The following RPAIN variants were observed in gnomAD, a reference collection of about 807,000 sequenced individuals.
RPAIN encodes RPA interacting protein.
RPAIN carries 29 observed loss-of-function variants against 30.5 expected under a neutral mutation model. That is an observed-to-expected ratio of 0.95 (90% CI 0.71 to 1.30). The LOEUF is 1.30. RPAIN is among the 50% of genes most tolerant of loss of function. RPAIN has a pLI of 0.00. For synonymous variants in RPAIN, 101 were observed against 93.5 expected (o/e 1.08, Z -0.46); for missense variants, 247 against 264.7 (o/e 0.93, Z 0.46).
intron 6 of RPAIN, chr17:5,429,298 TGTG>T: frequency 1.0e-6 from 1 of 985,464 alleles, no homozygotes; most frequent in Non-Finnish European, 1.2e-6. Flanking sequence ...TCTGGTGAGT[TGTG>T]GGGGTAGAGC....
chr17:5,432,794 ATT>A lies in RPAIN; in HGVS notation c.*226_*227del. 1.2e-6 allele frequency: 1 copy of A among 800,246 alleles called. No homozygotes were observed. The highest frequency in any genetic ancestry group is 1.7e-5 in the African/African-American group (1 of 57,618). 49.6% of individuals were successfully genotyped at this position (800,246 alleles called of 1,614,324 possible). A position where few individuals can be genotyped will look rare whatever the true frequency, so the allele number is the denominator to read the frequency against. On this transcript the variant is annotated 3_prime_UTR_variant, in exon 7 of 7. Transcript: ENST00000381209. ...AAACTGCCTTGGAGGAGATAAACCA[ATT>A]TTATGTCTATCATGTTATACAAAAA... is the stretch of plus-strand genomic sequence containing the variant.
At chr17:5,424,140 A>T (rs1239230203) in intron 3 of RPAIN, among the ~76,000 whole-genome samples, 1 of 151,400 alleles carries the variant, frequency 6.6e-6, no homozygotes, top group African/African-American at 2.4e-5. Flanking sequence ...AGTGTGCACC[A>T]CCATACCGAG....
intron 6 of RPAIN, chr17:5,431,507 G>GC: frequency 2.8e-6 from 1 of 355,748 alleles, no homozygotes; most frequent in East Asian, 1.0e-4. Context: ...AAAAGAGGAG[G>GC]GGGAAAGACA....
intron 1 of RPAIN, 90 bp downstream of exon 1, chr17:5,420,381 C>T (rs544187833): frequency 1.1e-5 from 12 of 1,133,124 alleles, no homozygotes; most frequent in Non-Finnish European, 1.5e-5. Context: ...CTCCGTGGAG[C>T]AGGTGCCGCA....
chr17:5,432,237 A>G (rs1916043901), intron 6 of RPAIN: 1 of 338,668 alleles, frequency 3.0e-6, no homozygotes, highest in Non-Finnish European at 5.4e-6. Context: ...TTTGAATACA[A>G]TCTTTCTGGT....
chr17:5,431,882 CCTA>C (rs1281349216), intron 6 of RPAIN: 3 of 324,040 alleles, frequency 9.3e-6, no homozygotes, highest in Non-Finnish European at 1.8e-5. Context: ...CCCACTTATG[CCTA>C]CTGTTTAATT....
chr17:5,431,464 G>T (rs1484823026), intron 6 of RPAIN: 1 of 430,886 alleles, frequency 2.3e-6, no homozygotes, highest in South Asian at 1.6e-5. Context: ...TCCAGGCTGG[G>T]TGACAGCGAG....
chr17:5,429,301 G>T (rs1196621228), intron 6 of RPAIN: 11 of 985,334 alleles, frequency 1.1e-5, no homozygotes, highest in Non-Finnish European at 1.2e-5. Context: ...GGTGAGTTGT[G>T]GGGGTAGAGC....
intron 6 of RPAIN, chr17:5,428,483 T>C (rs1915617409): frequency 7.1e-7 from 1 of 1,415,894 alleles, no homozygotes; most frequent in African/African-American, 1.4e-5. Flanking sequence ...TGATCAGTAG[T>C]AGTGGTTTTG....
intron 3 of RPAIN, chr17:5,425,573 TG>T (rs1915307374): frequency 5.7e-6 from 2 of 349,936 alleles, no homozygotes; most frequent in Admixed American, 8.1e-5. Flanking sequence ...TGACCTCGAG[TG>T]ATCTGCCTGC....
intron 5 of RPAIN, 77 bp from the exon 6 acceptor site, chr17:5,427,994 T>C (rs1470704740): frequency 7.0e-7 from 1 of 1,425,120 alleles, no homozygotes. Context: ...GTTATATTGG[T>C]TGGCATGAGG....
At position 5,432,578 on chromosome 17, in the gene RPAIN, C is replaced by T. The variant is rs1488395517; in HGVS notation, c.*7C>T. ...TTGGGCTGTGATCCTCTAGAGCCAG[C>T]TTGGACTCACATCATTCTATGGGGT... On this transcript the variant is annotated 3_prime_UTR_variant, in exon 7 of 7. Transcript: ENST00000381209. 1 of 1,613,382 alleles carries T rather than the reference C, an allele frequency of 6.2e-7. No homozygotes were observed. Among genetic ancestry groups the T allele is most frequent in the East Asian group, 2.2e-5 (1 of 44,900 alleles).
At chr17:5,421,557 AC>A in intron 2 of RPAIN, 91 bp downstream of exon 2, 2 of 1,185,840 alleles carry the variant, frequency 1.7e-6, no homozygotes, top group Non-Finnish European at 2.4e-6. Context: ...AGTCCTCTAA[AC>A]CCACCATTCC....
chr17:5,428,350 A>C lies in RPAIN; in HGVS notation c.630+139A>C. The C allele has an allele frequency of 3.3e-6, 5 of 1,533,838 alleles. No individual in the cohort carries two copies. In the South Asian group the frequency reaches 6.1e-5, roughly 19 times the overall value. ...TCTGAGGAATTTACCTGCATAGAAA[A>C]GTGAAGGTAACAAGTCATTTAGACT... On this transcript the variant is annotated intron_variant, in intron 6 of 6. Coordinates refer to ENST00000381209, the MANE Select transcript of RPAIN (RefSeq NM_001033002.4).
intron 1 of RPAIN, among the ~76,000 whole-genome samples, chr17:5,420,816 T>C (rs4605225): frequency 0.3 from 45,368 of 151,960 alleles, 8,000 homozygotes; most frequent in East Asian, 0.82. Context: ...TTGTGGAGGG[T>C]TGTTTAAGCC....
Position 5,432,800 on chromosome 17 carries a change from T to C in RPAIN, c.*229T>C. The C allele has an allele frequency of 1.3e-6, 1 of 799,642 alleles. No homozygotes were observed. Among genetic ancestry groups the C allele is most frequent in the East Asian group, 2.8e-5 (1 of 36,322 alleles). The allele number at this position is 799,642 out of a possible 1,614,324, so 49.5% of individuals were successfully genotyped here. A position where few individuals can be genotyped will look rare whatever the true frequency, so the allele number is the denominator to read the frequency against. On this transcript the variant is annotated 3_prime_UTR_variant, in exon 7 of 7. Transcript: ENST00000381209. The stretch of plus-strand genomic sequence containing the variant: ...CCTTGGAGGAGATAAACCAATTTTA[T>C]GTCTATCATGTTATACAAAAATCTA...
chr17:5,431,259 G>A (rs993962127), intron 6 of RPAIN: 8 of 357,070 alleles, frequency 2.2e-5, no homozygotes, highest in Non-Finnish European at 4.4e-5. Flanking sequence ...GGCTGAGGTG[G>A]GAGGATCACT....
chr17:5,423,647 T>C (rs112829613), intron 3 of RPAIN, among the ~76,000 whole-genome samples: 1 of 152,250 alleles, frequency 6.6e-6, no homozygotes, highest in African/African-American at 2.4e-5. Flanking sequence ...CCTGTGAGCA[T>C]CCACTCCTTG....
intron 6 of RPAIN, 97 bp downstream of exon 6, chr17:5,428,308 T>C (rs1915602061): frequency 6.3e-7 from 1 of 1,579,714 alleles, no homozygotes. Flanking sequence ...CAGGTAAATG[T>C]TTAATGCAGT....
Sources: allele counts gnomAD v4.1 joint callset (sites outside exome capture counted in the v4.1 genomes callset), GRCh38; gene constraint gnomAD v4.1.1; transcripts MANE v1.5; gene names NCBI Gene and HGNC (gene_info 2026-07-23, HGNC 2026-07-21).